The following PCDH15 variants were observed in gnomAD, a reference collection of about 807,000 sequenced individuals.
PCDH15 encodes protocadherin-15.
In PCDH15, 129 loss-of-function variants were observed where a neutral mutation model predicts 178.5. The ratio of observed to expected loss-of-function variants is 0.72; its 90% CI spans 0.63 to 0.84. PCDH15 has a LOEUF of 0.84. Among genes scored for constraint, PCDH15 ranks in the 40% least tolerant of loss-of-function variants. The pLI is 0.00. For synonymous variants in PCDH15, 800 were observed against 732.0 expected (o/e 1.09, Z -1.50); for missense variants, 2,230 against 2,099.9 (o/e 1.06, Z -1.21).
At chr10:55,049,454 T>G (rs1184952007) in intron 2 of PCDH15, among the ~76,000 whole-genome samples, 2 of 148,330 alleles carry the variant, frequency 1.3e-5, no homozygotes, top group Admixed American at 1.4e-4. Context: ...TAGTTTTTCA[T>G]GATTATGGGG....
intron 3 of PCDH15, among the ~76,000 whole-genome samples, chr10:54,383,985 A>ATTT (rs59756150): frequency 1.2e-4 from 16 of 129,166 alleles, no homozygotes; most frequent in Non-Finnish European, 1.9e-4. Flanking sequence ...CAAACAGTTA[A>ATTT]TTTTTTTTTT....
At chr10:54,666,601 G>A (rs1484277213) in intron 1 of PCDH15, among the ~76,000 whole-genome samples, 1 of 151,472 alleles carries the variant, frequency 6.6e-6, no homozygotes, top group Admixed American at 6.6e-5. Flanking sequence ...AAACAAACAT[G>A]ACATTAAGAA....
rs2136640060 is a variant in PCDH15 at position 54,469,060 on chromosome 10, G to A, written c.157+58752C>T. On this transcript the variant is annotated intron_variant, in intron 3 of 37. Coordinates refer to ENST00000644397, the MANE Select transcript of PCDH15 (RefSeq NM_001384140.1). ...TACAGGTGAGATGTGTTCCTTGTAG[G>A]CAGCATATGGTTGAGACTTTGTAAT... 2.6e-5 allele frequency among the ~76,000 whole-genome samples: 4 copies of A among 152,076 alleles called. No homozygotes were observed. In the South Asian group the frequency reaches 8.3e-4, roughly 32 times the overall value.
chr10:54,083,874 T>C (rs1451713254), intron 16 of PCDH15, among the ~76,000 whole-genome samples: 8 of 152,164 alleles, frequency 5.3e-5, no homozygotes, highest in African/African-American at 1.9e-4. Flanking sequence ...ATGCTTGGCA[T>C]ACTCAATTAT....
chr10:55,442,553 G>T (rs1839221216), intron 2 of PCDH15, among the ~76,000 whole-genome samples: 2 of 146,792 alleles, frequency 1.4e-5, no homozygotes, highest in Admixed American at 1.4e-4. Context: ...ATTTATCTGT[G>T]ACAAATTAAT....
chr10:54,961,888 A>G (rs766230577), intron 2 of PCDH15, among the ~76,000 whole-genome samples: 1 of 151,542 alleles, frequency 6.6e-6, no homozygotes, highest in African/African-American at 2.4e-5. Flanking sequence ...GGTCTTCTCT[A>G]CTTTCACTGG....
In PCDH15 at chr10:53,959,765, C is replaced by G; in HGVS notation, c.3089G>C (p.Gly1030Ala). 6.2e-7 allele frequency: 1 copy of G among 1,613,818 alleles called. No individual in the cohort carries two copies. The highest frequency in any genetic ancestry group is 8.5e-7 in the Non-Finnish European group (1 of 1,179,806). Residue 1030 changes from glycine to alanine, a missense_variant, in exon 23 of 38, where the codon GGT (glycine) becomes GCT (alanine). Coordinates refer to ENST00000644397, the MANE Select transcript of PCDH15 (RefSeq NM_001384140.1). ...CTCCTGTGTGAAGCGTGGGATCTCACCAGGATGTAAGACAAGAATCTTCAC... is the reference window on the plus strand; with the variant it reads ...CTCCTGTGTGAAGCGTGGGATCTCAGCAGGATGTAAGACAAGAATCTTCAC... ...ATVKILVLHP[G>A]EIPRFTQEEY...
intron 1 of PCDH15, among the ~76,000 whole-genome samples, chr10:54,784,764 T>C (rs1390313627): frequency 1.3e-5 from 2 of 152,146 alleles, no homozygotes; most frequent in Non-Finnish European, 2.9e-5. Flanking sequence ...TATATATTTG[T>C]ATAACTCTGC....
intron 22 of PCDH15, among the ~76,000 whole-genome samples, chr10:53,960,602 T>C (rs1211690688): frequency 2.0e-5 from 3 of 152,216 alleles, no homozygotes; most frequent in African/African-American, 7.2e-5. Flanking sequence ...TTAAATACTT[T>C]CAGAACTATG....
intron 14 of PCDH15, among the ~76,000 whole-genome samples, chr10:54,146,486 G>T (rs953317448): frequency 2.0e-5 from 3 of 151,728 alleles, no homozygotes; most frequent in Non-Finnish European, 4.4e-5. Context: ...GATAACGTAA[G>T]TATAAGTTAA....
At chr10:53,898,158 G>A (rs1271419071) in intron 26 of PCDH15, among the ~76,000 whole-genome samples, 1 of 10,080 alleles carries the variant, frequency 9.9e-5, no homozygotes, top group Non-Finnish European at 1.4e-4. Context: ...AGTAGAGACG[G>A]GGGTTTCACC....
intron 21 of PCDH15, among the ~76,000 whole-genome samples, chr10:53,962,693 T>C (rs1255961328): frequency 1.3e-5 from 2 of 152,130 alleles, no homozygotes; most frequent in African/African-American, 4.8e-5. Context: ...ATTCCAGAGA[T>C]AGGCCAAGAT....
chr10:54,243,978 C>A (rs1176219424), intron 8 of PCDH15, among the ~76,000 whole-genome samples: 1 of 152,072 alleles, frequency 6.6e-6, no homozygotes, highest in Admixed American at 6.5e-5. Context: ...ATGGTTTTGA[C>A]AATTATTATC....
intron 1 of PCDH15, among the ~76,000 whole-genome samples, chr10:55,199,252 A>C (rs1405136786): frequency 2.0e-5 from 3 of 152,122 alleles, no homozygotes; most frequent in East Asian, 1.9e-4. Flanking sequence ...GGAGATGAAA[A>C]AGTTATTGGG....
At chr10:54,276,318 T>A (rs1274858108) in intron 8 of PCDH15, among the ~76,000 whole-genome samples, 1 of 151,594 alleles carries the variant, frequency 6.6e-6, no homozygotes, top group South Asian at 2.1e-4. Context: ...CACAACCCTA[T>A]AGAAAAATGG....
At chr10:55,574,182 C>A (rs1244834394) in intron 2 of PCDH15, among the ~76,000 whole-genome samples, 1 of 151,978 alleles carries the variant, frequency 6.6e-6, no homozygotes, top group Non-Finnish European at 1.5e-5. Flanking sequence ...TGAGTTTTAG[C>A]AAGTTATAAC....
chr10:55,244,042 A>G (rs1406543348), intron 1 of PCDH15, among the ~76,000 whole-genome samples: 2 of 152,096 alleles, frequency 1.3e-5, no homozygotes, highest in Admixed American at 6.5e-5. Flanking sequence ...AAAATCATTA[A>G]TGTCAATTAA....
chr10:55,328,913 CATATATATATATATATATAT>C (rs56104592), intron 2 of PCDH15, among the ~76,000 whole-genome samples: 19 of 111,330 alleles, frequency 1.7e-4, no homozygotes, highest in African/African-American at 4.4e-4. Context: ...TTCACACAAA[CATATATATATATATATATAT>C]ATATATATAT....
chr10:54,516,799 G>A (rs184519471), intron 3 of PCDH15, among the ~76,000 whole-genome samples: 3,440 of 152,202 alleles, frequency 0.023, 122 homozygotes, highest in African/African-American at 0.078. Flanking sequence ...AATGTTAAGG[G>A]CAGCCAGAGA....
Sources: allele counts gnomAD v4.1 joint callset (sites outside exome capture counted in the v4.1 genomes callset), GRCh38; gene constraint gnomAD v4.1.1; transcripts MANE v1.5; gene names NCBI Gene and HGNC (gene_info 2026-07-23, HGNC 2026-07-21).